BRPF3: variants seen among roughly 807,000 people sequenced by gnomAD.
BRPF3 encodes bromodomain and PHD finger-containing protein 3.
A neutral mutation model predicts 102.0 loss-of-function variants in BRPF3; 18 were observed. The ratio of observed to expected loss-of-function variants is 0.18; its 90% CI spans 0.12 to 0.26. The LOEUF (loss-of-function observed/expected upper bound fraction) is 0.26. BRPF3 is among the 10% of genes least tolerant of loss of function. The probability of loss-of-function intolerance (pLI) is 1.00; values close to 1 mark genes in which losing one functional copy is unlikely to be tolerated. For missense variants in BRPF3, 1,147 were observed against 1,567.8 expected (o/e 0.73, Z 4.53); for synonymous variants, 570 against 614.2 (o/e 0.93, Z 1.06).
Position 36,225,482 on chromosome 6 carries a change from A to T in BRPF3, c.3279+118A>T, listed in dbSNP as rs41270094. 10 of 821,326 alleles carry T rather than the reference A, an allele frequency of 1.2e-5. No individual in the cohort carries two copies. The highest frequency in any genetic ancestry group is 2.9e-5 in the East Asian group (1 of 35,016). The allele number at this position is 821,326 out of a possible 1,614,324, so 50.9% of individuals were successfully genotyped here. A position where few individuals can be genotyped will look rare whatever the true frequency, so the allele number is the denominator to read the frequency against. On this transcript the variant is annotated intron_variant, in intron 11 of 12. Transcript: ENST00000357641. ...CAGAGTGTCTTTAGCTGTAGAGGGG[A>T]GGGGGGTTTTGCCCCAGCCTGAGTG... is the stretch of plus-strand genomic sequence containing the variant.
rs1768103522 is a variant in BRPF3, at chr6:36,211,395, C to T, written c.2317C>T (p.Arg773Trp). The change falls in exon 7 of 13, where the codon CGG becomes TGG. Residue 773 changes from arginine (R) to tryptophan (W), a missense_variant. By Grantham distance (101) the Arg-to-Trp change is moderately radical. Transcript: ENST00000357641. ...CACCCGTCGTGTCCGCCTGCTACGCCGGGAGATCAATGCCCTTCGGCAGAA... is the reference window on the plus strand; with the variant it reads ...CACCCGTCGTGTCCGCCTGCTACGCTGGGAGATCAATGCCCTTCGGCAGAA... ...ARTRRVRLLR[R>W]EINALRQKLA... 5.6e-6 allele frequency: 9 copies of T among 1,613,994 alleles called. No homozygotes were observed. Among genetic ancestry groups the T allele is most frequent in the East Asian group, 2.2e-5 (1 of 44,884 alleles).
At chr6:36,205,991 G>T (rs2127279847) in intron 3 of BRPF3, among the ~76,000 whole-genome samples, 1 of 152,110 alleles carries the variant, frequency 6.6e-6, no homozygotes, top group Non-Finnish European at 1.5e-5. Flanking sequence ...CATATCAAAA[G>T]TTCCCCACCT....
intron 7 of BRPF3, among the ~76,000 whole-genome samples, chr6:36,213,505 G>C (rs1000156091): frequency 1.3e-5 from 2 of 152,026 alleles, no homozygotes; most frequent in Non-Finnish European, 2.9e-5. Flanking sequence ...ACCAGCCTGG[G>C]CAACACAGTA....
In BRPF3 at chr6:36,210,379, G is replaced by A. The variant is rs767000902; in HGVS notation, c.2030G>A (p.Arg677Gln). ...KYNAKDTIFH[R>Q]AAVRLRDLGG... Reference sequence around the variant, plus strand: ...AATGCTAAAGACACAATTTTCCACCGAGCAGCTGTCCGCCTGCGGGACCTG... The same window carrying A: ...AATGCTAAAGACACAATTTTCCACCAAGCAGCTGTCCGCCTGCGGGACCTG... The change falls in exon 6 of 13, where the codon CGA becomes CAA. Residue 677 changes from arginine to glutamine, a missense_variant. Physicochemically the swap from Arg to Gln is conservative, Grantham distance 43 (BLOSUM62 1). Transcript: ENST00000357641. The surrounding 1 kb of genome is among the most constrained non-coding windows in gnomAD (Gnocchi z 4.7). The A allele has an allele frequency of 5.6e-6, 9 of 1,614,208 alleles. 1 individual carries two copies. The highest frequency in any genetic ancestry group is 1.6e-4 in the Middle Eastern group (1 of 6,062).
intron 3 of BRPF3, 119 bp downstream of exon 3, chr6:36,204,933 G>C (rs1214920448): frequency 7.2e-7 from 1 of 1,389,064 alleles, no homozygotes; most frequent in Admixed American, 2.3e-5. Flanking sequence ...TTGCCTACCT[G>C]TCTGGGTGGC....
intron 1 of BRPF3, chr6:36,197,439 C>G (rs1401995702): frequency 6.6e-6 from 1 of 152,294 alleles, no homozygotes; most frequent in Non-Finnish European, 1.5e-5. Context: ...CCCCTCCCCT[C>G]TGAGGAGATG....
intron 10 of BRPF3, 32 bp downstream of exon 10, chr6:36,222,297 G>T (rs1278087739): frequency 2.6e-6 from 4 of 1,541,848 alleles, no homozygotes; most frequent in Non-Finnish European, 2.6e-6. Flanking sequence ...GAACTGAGGG[G>T]GCCAGGCCTT....
chr6:36,226,597 C>T (rs904311616), intron 11 of BRPF3, among the ~76,000 whole-genome samples: 4 of 152,120 alleles, frequency 2.6e-5, no homozygotes, highest in African/African-American at 9.7e-5. Context: ...GGAACCACCC[C>T]ACCAGCCTCT....
intron 1 of BRPF3, chr6:36,197,743 CTCG>C (rs1199603207): frequency 2.6e-5 from 4 of 152,106 alleles, no homozygotes; most frequent in African/African-American, 7.2e-5. Context: ...CGCCAAAAAA[CTCG>C]TCTAGACTGT....
chr6:36,208,666 T>C (rs1260941635), intron 4 of BRPF3, among the ~76,000 whole-genome samples: 1 of 152,216 alleles, frequency 6.6e-6, no homozygotes, highest in Non-Finnish European at 1.5e-5. Flanking sequence ...TCAAAATGTC[T>C]GTGCTGTCCC....
chr6:36,209,491 T>C (rs1768019002), intron 4 of BRPF3, among the ~76,000 whole-genome samples: 1 of 152,236 alleles, frequency 6.6e-6, no homozygotes, highest in African/African-American at 2.4e-5. Context: ...GAACATTACC[T>C]GGCATTTAGT....
rs1050059454 is a variant in BRPF3, at chr6:36,230,193, C to G, written c.3435-233C>G. The stretch of plus-strand genomic sequence containing the variant: ...AACAGAGTAAGGGCCCAGAGAAGGA[C>G]CTAGCTGCAAAATTGATTCCATGCC... On this transcript the variant is annotated intron_variant, in intron 12 of 12. Transcript: ENST00000357641. The surrounding 1 kb of genome is among the most constrained non-coding windows in gnomAD (Gnocchi z 5.4). 2.6e-5 allele frequency among the ~76,000 whole-genome samples: 4 copies of G among 152,074 alleles called. No homozygotes were observed. Among genetic ancestry groups the G allele is most frequent in the Admixed American group, 2.0e-4 (3 of 15,282 alleles).
chr6:36,217,044 T>C (rs575715899), intron 8 of BRPF3, among the ~76,000 whole-genome samples: 2 of 152,086 alleles, frequency 1.3e-5, no homozygotes, highest in East Asian at 1.9e-4. Context: ...TCTCAAAAAA[T>C]AGAAAAATAA....
At position 36,210,261 on chromosome 6, in the gene BRPF3, A is replaced by G. The variant is rs916119726; in HGVS notation, c.1912A>G (p.Thr638Ala). The G allele has an allele frequency of 3.1e-6, 5 of 1,614,122 alleles. No homozygotes were observed. Among genetic ancestry groups the G allele is most frequent in the Non-Finnish European group, 2.5e-6 (3 of 1,180,056 alleles). ...EFISKPMDFSTMRRKLESHLY... is the reference protein window; with the variant it reads ...EFISKPMDFSAMRRKLESHLY... Reference sequence around the variant, plus strand: ...CATATCCAAGCCAATGGATTTTTCTACTATGAGGCGGAAGCTGGAGTCCCA... The same window carrying G: ...CATATCCAAGCCAATGGATTTTTCTGCTATGAGGCGGAAGCTGGAGTCCCA... Residue 638 changes from threonine to alanine, a missense_variant, in exon 6 of 13, where the codon ACT becomes GCT. Transcript: ENST00000357641. This position sits in a 1 kb window ranked among gnomAD's most constrained non-coding sequence, Gnocchi z 4.7.
intron 11 of BRPF3, among the ~76,000 whole-genome samples, chr6:36,228,659 A>G (rs1412542966): frequency 5.3e-5 from 8 of 152,334 alleles, no homozygotes; most frequent in South Asian, 2.1e-4. Flanking sequence ...AAGGCCCCCA[A>G]ACATTTGAGG....
chr6:36,228,780 A>G (rs1015897720), intron 11 of BRPF3, 122 bp from the exon 12 acceptor site: 3 of 1,162,178 alleles, frequency 2.6e-6, no homozygotes, highest in South Asian at 1.4e-5. Flanking sequence ...CTGGACATCA[A>G]AGATATCCCA....
chr6:36,206,531 T>C (rs1369135549), intron 3 of BRPF3, among the ~76,000 whole-genome samples: 2 of 152,248 alleles, frequency 1.3e-5, no homozygotes, highest in African/African-American at 4.8e-5. Context: ...GCTTTTATAG[T>C]TCTCCAGCAT....
At chr6:36,226,867 G>A (rs1449580138) in intron 11 of BRPF3, among the ~76,000 whole-genome samples, 1 of 152,264 alleles carries the variant, frequency 6.6e-6, no homozygotes. Context: ...GCCTGGGGCT[G>A]CCTGCCTTCA....
chr6:36,221,120 A>G (rs1768522786), intron 9 of BRPF3, among the ~76,000 whole-genome samples: 1 of 152,176 alleles, frequency 6.6e-6, no homozygotes, highest in Non-Finnish European at 1.5e-5. Context: ...GTACATTAGA[A>G]TTGTATGGGG....
Sources: allele counts gnomAD v4.1 joint callset (sites outside exome capture counted in the v4.1 genomes callset), GRCh38; gene constraint gnomAD v4.1.1; non-coding constraint Gnocchi (gnomAD v3.1); transcripts MANE v1.5; gene names NCBI Gene and HGNC (gene_info 2026-07-23, HGNC 2026-07-21).